The following NFIB variants were observed in gnomAD, a reference collection of about 807,000 sequenced individuals.
The protein encoded by NFIB is nuclear factor I B, also known as nuclear factor 1 B-type.
Under a neutral mutation model 61.5 loss-of-function variants are expected in NFIB, and 11 were observed. The ratio of observed to expected loss-of-function variants is 0.18; its 90% CI spans 0.11 to 0.30. The LOEUF (loss-of-function observed/expected upper bound fraction) is 0.30. Among genes scored for constraint, NFIB ranks in the 10% least tolerant of loss-of-function variants. The pLI is 1.00. For synonymous variants in NFIB, 260 were observed against 216.5 expected (o/e 1.20, Z -1.76); for missense variants, 471 against 608.9 (o/e 0.77, Z 2.38).
chr9:14,457,908 G>A, the NFIB span, among the ~76,000 whole-genome samples: 2 of 152,022 alleles, frequency 1.3e-5, no homozygotes, highest in Admixed American at 6.6e-5. Context: ...CCAGGACCAG[G>A]CGGATTCACA....
the NFIB span, among the ~76,000 whole-genome samples, chr9:14,429,483 T>C: frequency 6.6e-6 from 1 of 152,204 alleles, no homozygotes; most frequent in African/African-American, 2.4e-5. Flanking sequence ...GCCACAGATC[T>C]TCAGCTTTTA....
the NFIB span, among the ~76,000 whole-genome samples, chr9:14,518,680 A>G: frequency 4.6e-5 from 7 of 152,038 alleles, no homozygotes; most frequent in African/African-American, 1.4e-4. Context: ...AAAAGAGAGA[A>G]GAGAAACCAA....
At chr9:14,177,942 C>G (rs2046359206) in intron 3 of NFIB, among the ~76,000 whole-genome samples, 3 of 152,118 alleles carry the variant, frequency 2.0e-5, no homozygotes, top group African/African-American at 7.2e-5. Flanking sequence ...ATTATTTATT[C>G]AGCTCAAGTA....
At chr9:14,408,498 G>C in the NFIB span, among the ~76,000 whole-genome samples, 2 of 152,030 alleles carry the variant, frequency 1.3e-5, no homozygotes, top group South Asian at 4.1e-4. Flanking sequence ...ATGGAGGCGG[G>C]AATACAGAAA....
At chr9:14,469,281 G>T in the NFIB span, among the ~76,000 whole-genome samples, 9 of 152,282 alleles carry the variant, frequency 5.9e-5, no homozygotes, top group East Asian at 3.9e-4. Flanking sequence ...AACTTGAAAA[G>T]TTACTGTGAA....
At chr9:14,493,284 A>C in the NFIB span, among the ~76,000 whole-genome samples, 1 of 152,208 alleles carries the variant, frequency 6.6e-6, no homozygotes, top group Non-Finnish European at 1.5e-5. Context: ...ATGTCACACC[A>C]CATGATATGA....
intron 6 of NFIB, among the ~76,000 whole-genome samples, chr9:14,145,052 G>T (rs1212999618): frequency 1.3e-5 from 2 of 152,046 alleles, no homozygotes; most frequent in African/African-American, 4.8e-5. Flanking sequence ...TTATAAAGAT[G>T]ATTTTTACCT....
intron 3 of NFIB, among the ~76,000 whole-genome samples, chr9:14,163,504 G>A (rs542064028): frequency 2.8e-4 from 43 of 151,828 alleles, no homozygotes; most frequent in African/African-American, 9.6e-4. Flanking sequence ...TATCAGCAAC[G>A]GTTAAGAGAA....
chr9:14,221,695 T>A (rs1409298675), intron 2 of NFIB, among the ~76,000 whole-genome samples: 1 of 152,194 alleles, frequency 6.6e-6, no homozygotes, highest in Non-Finnish European at 1.5e-5. Flanking sequence ...CATTCTCCCA[T>A]GAAGCTGTCC....
At chr9:14,516,171 C>T in the NFIB span, among the ~76,000 whole-genome samples, 2 of 152,212 alleles carry the variant, frequency 1.3e-5, no homozygotes, top group East Asian at 3.9e-4. Flanking sequence ...CGGCCTGTAA[C>T]CAATTCCACA....
At chr9:14,422,409 G>A in the NFIB span, among the ~76,000 whole-genome samples, 1 of 152,182 alleles carries the variant, frequency 6.6e-6, no homozygotes, top group African/African-American at 2.4e-5. Flanking sequence ...CTGGCCTGGT[G>A]CTTCTCTGCC....
intron 2 of NFIB, among the ~76,000 whole-genome samples, chr9:14,270,191 CTT>C: frequency 6.6e-6 from 1 of 152,256 alleles, no homozygotes. Context: ...GAAAACAAAA[CTT>C]TGTCTCCAAA....
At chr9:14,340,952 GTTC>G (rs2060942530) in intron 1 of NFIB, among the ~76,000 whole-genome samples, 2 of 151,366 alleles carry the variant, frequency 1.3e-5, no homozygotes, top group South Asian at 4.2e-4. Context: ...GGCGGTAGTG[GTTC>G]TTATTTATAC....
At chr9:14,278,113 A>G (rs1245317632) in intron 2 of NFIB, among the ~76,000 whole-genome samples, 1 of 152,182 alleles carries the variant, frequency 6.6e-6, no homozygotes, top group African/African-American at 2.4e-5. Context: ...TGTCACAACC[A>G]TCCTGATGAC....
intron 1 of NFIB, among the ~76,000 whole-genome samples, chr9:14,398,214 C>A (rs1010287572): frequency 6.8e-6 from 1 of 147,138 alleles, no homozygotes; most frequent in Non-Finnish European, 1.5e-5. Flanking sequence ...TCTCAACTAA[C>A]CTTGCAGAAA....
chr9:14,351,462 C>A (rs1186077826), intron 1 of NFIB, among the ~76,000 whole-genome samples: 1 of 152,180 alleles, frequency 6.6e-6, no homozygotes. Flanking sequence ...TTCTGCCTAC[C>A]AAGGGCATCT....
chr9:14,425,429 C>T, the NFIB span, among the ~76,000 whole-genome samples: 6 of 152,100 alleles, frequency 3.9e-5, no homozygotes, highest in African/African-American at 9.7e-5. Context: ...ACTCCATCCT[C>T]TACAAGATCA....
At position 14,131,513 on chromosome 9, in the gene NFIB, G is replaced by T. The variant is rs142879566; in HGVS notation, c.926-5747C>A. Reference sequence around the variant, plus strand: ...ATTTCATCTACAAAGGAAGAGAGTCGCTGTGAAACACAGCGTATGTACTCG... The same window carrying T: ...ATTTCATCTACAAAGGAAGAGAGTCTCTGTGAAACACAGCGTATGTACTCG... On this transcript the variant is annotated intron_variant, in intron 6 of 10. Coordinates refer to ENST00000380953, the MANE Select transcript of NFIB (RefSeq NM_001190737.2). Among the ~76,000 whole-genome samples, 335 of 152,242 alleles carry T rather than the reference G, an allele frequency of 2.2e-3. 2 individuals carry two copies. The highest frequency in any genetic ancestry group is 6.9e-3 in the African/African-American group (288 of 41,552).
At chr9:14,105,609 T>C (rs902498831) in intron 10 of NFIB, among the ~76,000 whole-genome samples, 2 of 152,092 alleles carry the variant, frequency 1.3e-5, no homozygotes, top group Admixed American at 6.6e-5. Flanking sequence ...TTTAAAGTGA[T>C]GGTATGGGTG....
Sources: allele counts gnomAD v4.1 joint callset (sites outside exome capture counted in the v4.1 genomes callset), GRCh38; gene constraint gnomAD v4.1.1; transcripts MANE v1.5; gene names NCBI Gene and HGNC (gene_info 2026-07-23, HGNC 2026-07-21).